The following MAPK10 variants were observed in gnomAD, a reference collection of about 807,000 sequenced individuals.
MAPK10 encodes JNK3 alpha protein kinase.
MAPK10 carries 25 observed loss-of-function variants against 59.3 expected under a neutral mutation model. The observed-to-expected ratio is 0.42, with a 90% CI of 0.31 to 0.59. The LOEUF (loss-of-function observed/expected upper bound fraction) is 0.59. Among genes scored for constraint, MAPK10 ranks in the 20% least tolerant of loss-of-function variants. The pLI is 0.15. For missense variants in MAPK10, 351 were observed against 568.9 expected (o/e 0.62, Z 3.90); for synonymous variants, 190 against 200.5 (o/e 0.95, Z 0.44).
rs193014628 is a variant in MAPK10 at position 86,091,862 on chromosome 4, T to G, written c.802+6662A>C. ...CTAATTTTTGTATTTTTAGTAGAGG[T>G]GGGGTTTCACCATGTTGGCCAGGAT... On this transcript the variant is annotated intron_variant, in intron 9 of 13. Coordinates refer to ENST00000641462, the MANE Select transcript of MAPK10 (RefSeq NM_138982.4). Among the ~76,000 whole-genome samples, 1,235 of 151,858 alleles carry G rather than the reference T, an allele frequency of 8.1e-3. 17 individuals are homozygous for G. The highest frequency in any genetic ancestry group is 0.029 in the African/African-American group (1,181 of 41,414).
intron 1 of MAPK10, among the ~76,000 whole-genome samples, chr4:86,562,252 C>G (rs532784128): frequency 6.6e-6 from 1 of 152,222 alleles, no homozygotes; most frequent in Admixed American, 6.5e-5. Flanking sequence ...GCACTCCAGC[C>G]TGGGTGACAG....
chr4:86,561,269 T>A (rs1472955309), intron 1 of MAPK10, among the ~76,000 whole-genome samples: 2 of 152,158 alleles, frequency 1.3e-5, no homozygotes, highest in African/African-American at 4.8e-5. Context: ...GCCTGGGGGA[T>A]GGGGATCCCT....
chr4:86,354,781 T>C (rs537611006), intron 1 of MAPK10, 137 bp from the exon 2 acceptor site: 1 of 390,152 alleles, frequency 2.6e-6, no homozygotes, highest in South Asian at 1.4e-4. Context: ...TATCTCAAGG[T>C]AATTATCTCT....
At chr4:86,281,383 G>A (rs1336070260) in intron 2 of MAPK10, among the ~76,000 whole-genome samples, 1 of 151,728 alleles carries the variant, frequency 6.6e-6, no homozygotes, top group East Asian at 1.9e-4. Context: ...CACCTGTAAT[G>A]CCACCTACTT....
intron 1 of MAPK10, among the ~76,000 whole-genome samples, chr4:86,379,342 C>T (rs1009803992): frequency 7.9e-5 from 12 of 152,188 alleles, no homozygotes; most frequent in Non-Finnish European, 1.3e-4. Context: ...AACACAAAAA[C>T]AGGAAAACAA....
chr4:86,244,600 C>G (rs1044823069), intron 2 of MAPK10, among the ~76,000 whole-genome samples: 2 of 152,114 alleles, frequency 1.3e-5, no homozygotes, highest in Non-Finnish European at 2.9e-5. Flanking sequence ...AGAAGCCACC[C>G]TAATGAAAAC....
intron 2 of MAPK10, among the ~76,000 whole-genome samples, chr4:86,243,415 C>T (rs1161175286): frequency 1.3e-5 from 2 of 152,096 alleles, no homozygotes; most frequent in Non-Finnish European, 2.9e-5. Flanking sequence ...TGGTCAAAAC[C>T]GCAAATGGCT....
At chr4:86,579,734 T>C (rs1347525845) in intron 1 of MAPK10, among the ~76,000 whole-genome samples, 1 of 152,180 alleles carries the variant, frequency 6.6e-6, no homozygotes, top group Non-Finnish European at 1.5e-5. Context: ...TAATAATTAC[T>C]GGACAATTTT....
chr4:86,127,676 G>A (rs1580791507), intron 4 of MAPK10: 1 of 152,066 alleles, frequency 6.6e-6, no homozygotes, highest in East Asian at 1.9e-4. Context: ...TCACCCTGAG[G>A]CACAAAGACT....
In MAPK10 at chr4:86,280,793, A is replaced by G. The variant is rs572812910; in HGVS notation, c.-7+73737T>C. Among the ~76,000 whole-genome samples, 11 of 152,300 alleles carry G rather than the reference A, an allele frequency of 7.2e-5. No homozygotes were observed. In the South Asian group the frequency reaches 2.3e-3, roughly 32 times the overall value. On this transcript the variant is annotated intron_variant, in intron 2 of 13. Coordinates refer to ENST00000641462, the MANE Select transcript of MAPK10 (RefSeq NM_138982.4). Reference sequence around the variant, plus strand: ...AAAAGAACAAAATCGTGTCCTTTGCAGCAACATAGATGCAACCAGAGGCCA... The same window carrying G: ...AAAAGAACAAAATCGTGTCCTTTGCGGCAACATAGATGCAACCAGAGGCCA...
At chr4:86,062,884 G>T (rs980313575) in intron 11 of MAPK10, among the ~76,000 whole-genome samples, 33 of 152,064 alleles carry the variant, frequency 2.2e-4, no homozygotes. Flanking sequence ...TTGGTTGTAA[G>T]AATATATATT....
chr4:86,117,830 G>C (rs1025037126), intron 4 of MAPK10: 3 of 152,136 alleles, frequency 2.0e-5, no homozygotes, highest in Non-Finnish European at 4.4e-5. Flanking sequence ...TGAACTCCAG[G>C]TTCCACTCCC....
At chr4:86,279,427 A>T (rs1201798990) in intron 2 of MAPK10, among the ~76,000 whole-genome samples, 1 of 152,188 alleles carries the variant, frequency 6.6e-6, no homozygotes, top group Non-Finnish European at 1.5e-5. Context: ...GATGTGGGGC[A>T]ATTAAATTAA....
intron 3 of MAPK10, among the ~76,000 whole-genome samples, chr4:86,161,326 T>C (rs753558775): frequency 1.4e-4 from 21 of 152,072 alleles, no homozygotes; most frequent in Non-Finnish European, 2.8e-4. Context: ...TGCAAGCCTA[T>C]TCAAGGAGAC....
At chr4:86,394,950 C>G (rs1056619188) in intron 1 of MAPK10, among the ~76,000 whole-genome samples, 1 of 152,196 alleles carries the variant, frequency 6.6e-6, no homozygotes, top group East Asian at 1.9e-4. Context: ...TATTCACGCA[C>G]CTGTGCCCAT....
chr4:86,578,248 T>C (rs1455800052), intron 1 of MAPK10, among the ~76,000 whole-genome samples: 1 of 152,152 alleles, frequency 6.6e-6, no homozygotes, highest in Non-Finnish European at 1.5e-5. Flanking sequence ...CTAAACATCC[T>C]GTAGTGCACA....
At chr4:86,411,932 T>C (rs1745229139) in intron 1 of MAPK10, among the ~76,000 whole-genome samples, 2 of 152,220 alleles carry the variant, frequency 1.3e-5, no homozygotes, top group Non-Finnish European at 2.9e-5. Flanking sequence ...TTGAATTTGA[T>C]CCTGTCATTA....
intron 9 of MAPK10, among the ~76,000 whole-genome samples, chr4:86,097,738 A>C (rs1008571157): frequency 6.6e-6 from 1 of 152,092 alleles, no homozygotes; most frequent in Non-Finnish European, 1.5e-5. Flanking sequence ...CCTTTACTAG[A>C]GAGTGAATTT....
At chr4:86,308,249 C>T (rs1415731618) in intron 2 of MAPK10, among the ~76,000 whole-genome samples, 1 of 152,136 alleles carries the variant, frequency 6.6e-6, no homozygotes, top group African/African-American at 2.4e-5. Flanking sequence ...GATCTTTATA[C>T]ATCTCTTAAT....
Sources: gnomAD v4.1 joint callset for allele counts (sites outside exome capture counted in the v4.1 genomes callset) on GRCh38, gnomAD v4.1.1 for gene constraint, MANE v1.5 for transcripts, NCBI Gene and HGNC (gene_info 2026-07-23, HGNC 2026-07-21) for gene names.